Variants in MYO9B observed in about 807,000 individuals in gnomAD.
The protein encoded by MYO9B is unconventional myosin-IXb.
Under a neutral mutation model 229.5 loss-of-function variants are expected in MYO9B, and 71 were observed. That is an observed-to-expected ratio of 0.31 (90% confidence interval 0.26 to 0.38). The LOEUF (loss-of-function observed/expected upper bound fraction) is 0.38. Ranked by LOEUF, MYO9B falls within the 10% of genes least tolerant of loss-of-function variation. The pLI is 1.00. For missense variants in MYO9B, 2,255 were observed against 2,920.5 expected, an observed-to-expected ratio of 0.77 and a Z score of 5.25; for synonymous variants, 1,185 against 1,235.8, an observed-to-expected ratio of 0.96 and a Z score of 0.86.
chr19:17,077,314 C>T (rs2057494662), intron 1 of MYO9B, among the ~76,000 whole-genome samples: 1 of 152,182 alleles, frequency 6.6e-6, no homozygotes, highest in South Asian at 2.1e-4. Flanking sequence ...AGGAGATGAA[C>T]CCGGATAGCT....
chr19:17,098,350 T>C (rs2145008362), intron 1 of MYO9B, among the ~76,000 whole-genome samples: 1 of 152,310 alleles, frequency 6.6e-6, no homozygotes, highest in African/African-American at 2.4e-5. Context: ...CGACCGCGCC[T>C]GGTCTTAGAA....
chr19:17,159,322 C>T (rs2072572696), intron 7 of MYO9B, 73 bp from the exon 8 acceptor site: 2 of 1,395,036 alleles, frequency 1.4e-6, no homozygotes, highest in African/African-American at 1.4e-5. Flanking sequence ...GGCGTTGCCT[C>T]AGTGATACCA....
intron 10 of MYO9B, among the ~76,000 whole-genome samples, chr19:17,166,326 A>G (rs1237738252): frequency 6.6e-6 from 1 of 152,176 alleles, no homozygotes; most frequent in African/African-American, 2.4e-5. Flanking sequence ...TACAGGCGTG[A>G]GCCACCACGC....
intron 17 of MYO9B, among the ~76,000 whole-genome samples, chr19:17,185,611 CAT>C (rs1000483529): frequency 2.0e-4 from 30 of 151,974 alleles, no homozygotes; most frequent in African/African-American, 5.3e-4. Flanking sequence ...GAGGTTGACA[CAT>C]GTTTCAAATC....
chr19:17,131,492 C>G (rs1195641938), intron 2 of MYO9B, among the ~76,000 whole-genome samples: 1 of 152,248 alleles, frequency 6.6e-6, no homozygotes, highest in East Asian at 1.9e-4. Flanking sequence ...TGGTCTTGAA[C>G]TCCTGACCTC....
rs1406126904 is a variant in MYO9B, at chr19:17,191,213, G to A, written c.2805G>A (p.Lys935=). Reference sequence around the variant, plus strand: ...ACAAGAGGAACTACCAGATCGGGAAGACCAAGGTCAGCGCTCCTGCCCCTC... The same window carrying A: ...ACAAGAGGAACTACCAGATCGGGAAAACCAAGGTCAGCGCTCCTGCCCCTC... ...KIDKRNYQIG[K]TKVFLKETER... The change falls in exon 20 of 40, where the codon AAG becomes AAA. Residue 935 remains lysine (K), a synonymous_variant. Transcript: ENST00000682292. 2.5e-6 allele frequency: 4 copies of A among 1,611,708 alleles called. No individual in the cohort carries two copies. In the East Asian group the frequency reaches 6.7e-5, roughly 27 times the overall value.
intron 6 of MYO9B, among the ~76,000 whole-genome samples, chr19:17,155,605 C>T (rs962773025): frequency 6.6e-6 from 1 of 151,918 alleles, no homozygotes; most frequent in African/African-American, 2.4e-5. Context: ...TAGCAAGACC[C>T]CATCAATTTT....
rs533011887 is a variant in MYO9B, at chr19:17,155,876, C to T, written c.1200-1033C>T. ...TCTACTAAAAATATGAAAAATTAGC[C>T]ATGCATGATGGTGCACGCCTGTAAT... On this transcript the variant is annotated intron_variant, in intron 6 of 39. Transcript: ENST00000682292. Among the ~76,000 whole-genome samples, 3 of 152,238 alleles carry T rather than the reference C, an allele frequency of 2.0e-5. No homozygotes were observed. In the East Asian group the frequency reaches 5.8e-4, roughly 29 times the overall value.
chr19:17,134,175 G>A (rs958718198), intron 2 of MYO9B, among the ~76,000 whole-genome samples: 1 of 151,910 alleles, frequency 6.6e-6, no homozygotes, highest in African/African-American at 2.4e-5. Flanking sequence ...CACTCAAATA[G>A]TGAACACTGT....
intron 2 of MYO9B, among the ~76,000 whole-genome samples, chr19:17,109,896 A>G (rs1599332331): frequency 6.6e-6 from 1 of 152,192 alleles, no homozygotes; most frequent in Non-Finnish European, 1.5e-5. Flanking sequence ...TTCTGGGGGT[A>G]AGGACTTAGA....
In MYO9B at chr19:17,193,079, C is replaced by T; in HGVS notation, c.3128+17C>T. ...GCGCAAGAGGTGAGCAGAGCCGGGC[C>T]ACGCTCCTCGGAATATTCCAGAAGC... On this transcript the variant is annotated intron_variant, in intron 21 of 39. Coordinates refer to ENST00000682292, the MANE Select transcript of MYO9B (RefSeq NM_004145.4). The surrounding 1 kb of genome is among the most constrained non-coding windows in gnomAD (Gnocchi z 4.3). The T allele has an allele frequency of 7.0e-7, 1 of 1,432,970 alleles. No individual in the cohort carries two copies. Among genetic ancestry groups the T allele is most frequent in the South Asian group, 1.5e-5 (1 of 67,772 alleles). The allele number at this position is 1,432,970 out of a possible 1,614,324, so 88.8% of individuals were successfully genotyped here.
intron 2 of MYO9B, among the ~76,000 whole-genome samples, chr19:17,134,417 ACT>A (rs1224689757): frequency 2.8e-5 from 2 of 71,866 alleles, no homozygotes; most frequent in Non-Finnish European, 5.0e-5. Flanking sequence ...TTTGAGACAG[ACT>A]CTCGCTCTGT....
chr19:17,076,102 G>GT (rs1025415177), intron 1 of MYO9B, among the ~76,000 whole-genome samples: 2 of 151,392 alleles, frequency 1.3e-5, no homozygotes, highest in Admixed American at 6.6e-5. Context: ...CGAGGGCGTG[G>GT]GGGGGGTGAG....
chr19:17,148,171 CTTG>C (rs978928469), intron 3 of MYO9B, among the ~76,000 whole-genome samples: 1 of 152,140 alleles, frequency 6.6e-6, no homozygotes, highest in African/African-American at 2.4e-5. Flanking sequence ...TTCAGGGTAC[CTTG>C]TTGGGAAGAT....
At chr19:17,169,112 C>T (rs1458032212) in intron 11 of MYO9B, among the ~76,000 whole-genome samples, 1 of 152,184 alleles carries the variant, frequency 6.6e-6, no homozygotes, top group Non-Finnish European at 1.5e-5. Flanking sequence ...TGGCTCACGC[C>T]TGTAATCCCA....
At position 17,190,669 on chromosome 19, in the gene MYO9B, T is replaced by G. The variant is rs550338719; in HGVS notation, c.2689-428T>G. 1.8e-4 allele frequency among the ~76,000 whole-genome samples: 28 copies of G among 151,610 alleles called. No individual in the cohort carries two copies. In the East Asian group the frequency reaches 5.1e-3, roughly 28 times the overall value. On this transcript the variant is annotated intron_variant, in intron 19 of 39. Coordinates refer to ENST00000682292, the MANE Select transcript of MYO9B (RefSeq NM_004145.4). ...AAAAAAAAACAGACTATTTCTTTTT[T>G]TTTTCTTAAGACGGAGTCTCTCTCT... is the stretch of plus-strand genomic sequence containing the variant.
In MYO9B at chr19:17,212,481, C is replaced by T. The variant is rs1012854190; in HGVS notation, c.*171C>T. ...GTGCAGAGTCAAGGCAGGGAGAGGC[C>T]GGCTGGAGCCAGGCCCCCTCGCACG... On this transcript the variant is annotated 3_prime_UTR_variant, in exon 40 of 40. Coordinates refer to ENST00000682292, the MANE Select transcript of MYO9B (RefSeq NM_004145.4). This position sits in a 1 kb window ranked among gnomAD's most constrained non-coding sequence, Gnocchi z 5.4. 1.3e-5 allele frequency: 10 copies of T among 775,740 alleles called. No individual in the cohort carries two copies. The highest frequency in any genetic ancestry group is 9.5e-5 in the East Asian group (3 of 31,652). The allele number at this position is 775,740 out of a possible 1,614,324, so 48.1% of individuals were successfully genotyped here.
At chr19:17,112,953 G>A (rs1283277147) in intron 2 of MYO9B, among the ~76,000 whole-genome samples, 1 of 152,228 alleles carries the variant, frequency 6.6e-6, no homozygotes, top group African/African-American at 2.4e-5. Context: ...TGAGATTCAG[G>A]GCATAGGCCA....
At position 17,211,792 on chromosome 19, in the gene MYO9B, G is replaced by A. The variant is rs368557677; in HGVS notation, c.6058+18G>A. ...CTCGGAAGGTCAGTATTAAGGTAGC[G>A]TCTGCTTTTCTCCTTCCCGTCCATC... On this transcript the variant is annotated intron_variant, in intron 39 of 39. Coordinates refer to ENST00000682292, the MANE Select transcript of MYO9B (RefSeq NM_004145.4). The A allele has an allele frequency of 1.4e-5, 23 of 1,612,554 alleles. No homozygotes were observed. The highest frequency in any genetic ancestry group is 1.8e-5 in the Non-Finnish European group (21 of 1,179,654).
Sources: allele counts gnomAD v4.1 joint callset (sites outside exome capture counted in the v4.1 genomes callset), GRCh38; gene constraint gnomAD v4.1.1; non-coding constraint Gnocchi (gnomAD v3.1); transcripts MANE v1.5; gene names NCBI Gene and HGNC (gene_info 2026-07-23, HGNC 2026-07-21).